The following ZFHX3 variants were observed in gnomAD, a reference collection of about 807,000 sequenced individuals.
ZFHX3 encodes the protein zinc finger homeobox 3, also known as zinc finger homeobox protein 3.
In ZFHX3, 42 loss-of-function variants were observed where a neutral mutation model predicts 279.1. The ratio of observed to expected loss-of-function variants is 0.15; its 90% CI spans 0.12 to 0.19. ZFHX3 has a LOEUF of 0.19. Among genes scored for constraint, ZFHX3 ranks in the 10% least tolerant of loss-of-function variants. ZFHX3 has a pLI of 1.00. For synonymous variants in ZFHX3, 2,293 were observed against 1,957.8 expected, an observed-to-expected ratio of 1.17 and a Z score of -4.52; for missense variants, 4,981 against 4,754.0, an observed-to-expected ratio of 1.05 and a Z score of -1.40.
At chr16:73,360,574 A>G (rs549265339) in intron 3 of ZFHX3, among the ~76,000 whole-genome samples, 49 of 152,326 alleles carry the variant, frequency 3.2e-4, no homozygotes, top group Non-Finnish European at 6.2e-4. Flanking sequence ...GCTGGCCTCA[A>G]GTGATCCACC....
chr16:73,055,937 C>T (rs1163850956), intron 1 of ZFHX3, among the ~76,000 whole-genome samples: 1 of 152,126 alleles, frequency 6.6e-6, no homozygotes, highest in Non-Finnish European at 1.5e-5. Flanking sequence ...TGAATCGCCT[C>T]CTCTCTGGAC....
At chr16:73,315,747 G>A (rs2015431123) in intron 4 of ZFHX3, among the ~76,000 whole-genome samples, 1 of 152,214 alleles carries the variant, frequency 6.6e-6, no homozygotes, top group African/African-American at 2.4e-5. Flanking sequence ...AGTGCCTAAG[G>A]AGATGGTGTT....
intron 4 of ZFHX3, among the ~76,000 whole-genome samples, chr16:72,870,717 CAAAA>C (rs71156125): frequency 9.8e-6 from 1 of 101,562 alleles, no homozygotes; most frequent in Non-Finnish European, 2.0e-5. Flanking sequence ...GACTCTGTCT[CAAAA>C]AAAAAAAAAA....
intron 4 of ZFHX3, among the ~76,000 whole-genome samples, chr16:73,270,824 G>C (rs556318145): frequency 6.6e-6 from 1 of 152,162 alleles, no homozygotes; most frequent in Non-Finnish European, 1.5e-5. Flanking sequence ...TACCCACTGC[G>C]TGCTGGGAGG....
chr16:72,865,420 G>A (rs753596933), intron 4 of ZFHX3, among the ~76,000 whole-genome samples: 3 of 152,162 alleles, frequency 2.0e-5, no homozygotes, highest in East Asian at 1.9e-4. Flanking sequence ...CCTTCATGGC[G>A]GCCCTGTGCT....
At chr16:73,071,408 CGGA>C (rs1965825243) in intron 8 of ZFHX3, among the ~76,000 whole-genome samples, 1 of 142,326 alleles carries the variant, frequency 7.0e-6, no homozygotes, top group East Asian at 2.4e-4. Flanking sequence ...TGGCCTTGAG[CGGA>C]GGGAGGGAGG....
At chr16:73,482,180 G>T (rs940976756) in intron 2 of ZFHX3, among the ~76,000 whole-genome samples, 2 of 152,158 alleles carry the variant, frequency 1.3e-5, no homozygotes, top group African/African-American at 4.8e-5. Context: ...GACACAGGGG[G>T]TGGCCTTGGG....
intron 1 of ZFHX3, among the ~76,000 whole-genome samples, chr16:73,756,575 G>C (rs554328355): frequency 0.014 from 2,083 of 152,280 alleles, 21 homozygotes; most frequent in Middle Eastern, 0.031. Context: ...AGACCAAGCT[G>C]ACCTTGGCCT....
chr16:73,066,386 C>G (rs774545938), intron 8 of ZFHX3, among the ~76,000 whole-genome samples: 6 of 152,174 alleles, frequency 3.9e-5, no homozygotes, highest in Non-Finnish European at 8.8e-5. Flanking sequence ...AGCCAGCGTG[C>G]GCGTCCCTAA....
At chr16:72,790,042 A>G in intron 9 of ZFHX3, 1 of 152,174 alleles carries the variant, frequency 6.6e-6, no homozygotes. Flanking sequence ...CCCCTAATCT[A>G]CCACCACTCC....
At chr16:73,778,189 T>C (rs1028032187) in intron 1 of ZFHX3, among the ~76,000 whole-genome samples, 75 of 130,436 alleles carry the variant, frequency 5.7e-4, no homozygotes, top group African/African-American at 2.2e-3. Context: ...ACAACTCTCA[T>C]CTAAGAGACA....
chr16:73,435,501 C>T (rs1237985580), intron 3 of ZFHX3, among the ~76,000 whole-genome samples: 3 of 152,172 alleles, frequency 2.0e-5, no homozygotes, highest in Admixed American at 6.5e-5. Flanking sequence ...TGAGCCACAG[C>T]GCCTGGCCCA....
intron 3 of ZFHX3, among the ~76,000 whole-genome samples, chr16:73,449,550 T>C (rs1404120979): frequency 1.3e-5 from 2 of 152,120 alleles, no homozygotes; most frequent in Non-Finnish European, 2.9e-5. Flanking sequence ...AAAATTCGCC[T>C]AATAAAGGTA....
intron 1 of ZFHX3, among the ~76,000 whole-genome samples, chr16:73,842,887 G>C (rs1481605772): frequency 6.6e-6 from 1 of 152,088 alleles, no homozygotes; most frequent in Non-Finnish European, 1.5e-5. Context: ...GGCACCGCCT[G>C]TCCAAATCAG....
intron 7 of ZFHX3, among the ~76,000 whole-genome samples, chr16:73,094,845 G>A (rs1358897108): frequency 6.6e-6 from 1 of 152,080 alleles, no homozygotes; most frequent in Non-Finnish European, 1.5e-5. Context: ...GAGTAGCTGG[G>A]ACTGCAGATG....
chr16:73,756,083 G>C (rs1235073788), intron 1 of ZFHX3, among the ~76,000 whole-genome samples: 1 of 152,188 alleles, frequency 6.6e-6, no homozygotes, highest in Non-Finnish European at 1.5e-5. Context: ...TTTTGTAAGA[G>C]TCTGTGATGG....
intron 2 of ZFHX3, among the ~76,000 whole-genome samples, chr16:73,464,421 A>G (rs1314527584): frequency 6.6e-6 from 1 of 151,258 alleles, no homozygotes; most frequent in Non-Finnish European, 1.5e-5. Context: ...TTCTCCAACC[A>G]TTCTCTCTTT....
At chr16:73,725,802 C>A (rs1165060395) in intron 1 of ZFHX3, among the ~76,000 whole-genome samples, 1 of 152,170 alleles carries the variant, frequency 6.6e-6, no homozygotes, top group African/African-American at 2.4e-5. Context: ...AGTTACAAAA[C>A]AGGACATCAA....
At chr16:73,527,196 A>C (rs2019710709) in intron 2 of ZFHX3, among the ~76,000 whole-genome samples, 1 of 152,128 alleles carries the variant, frequency 6.6e-6, no homozygotes, top group African/African-American at 2.4e-5. Flanking sequence ...GATTTCCCAG[A>C]AATCCATCAA....
Sources: allele counts gnomAD v4.1 joint callset (sites outside exome capture counted in the v4.1 genomes callset), GRCh38; gene constraint gnomAD v4.1.1; transcripts MANE v1.5; gene names NCBI Gene and HGNC (gene_info 2026-07-23, HGNC 2026-07-21).